YWHAQ: variants seen among roughly 807,000 people sequenced by gnomAD.
YWHAQ encodes the protein 14-3-3 protein theta.
A neutral mutation model predicts 28.3 loss-of-function variants in YWHAQ; 6 were observed. The ratio of observed to expected loss-of-function variants is 0.21; its 90% CI spans 0.12 to 0.42. YWHAQ has a LOEUF of 0.42. Among genes scored for constraint, YWHAQ ranks in the 10% least tolerant of loss-of-function variants. The pLI, the probability that YWHAQ is intolerant of heterozygous loss-of-function variation, is 1.00. For synonymous variants in YWHAQ, 143 were observed against 119.1 expected, an observed-to-expected ratio of 1.20 and a Z score of -1.31; for missense variants, 201 against 305.6, an observed-to-expected ratio of 0.66 and a Z score of 2.55.
intron 3 of YWHAQ, among the ~76,000 whole-genome samples, chr2:9,590,576 A>G (rs1445587267): frequency 6.6e-6 from 1 of 152,182 alleles, no homozygotes; most frequent in Non-Finnish European, 1.5e-5. Flanking sequence ...CACATACACT[A>G]AATTTAATGA....
At chr2:9,616,069 A>C (rs1048191738) in intron 2 of YWHAQ, among the ~76,000 whole-genome samples, 2 of 152,194 alleles carry the variant, frequency 1.3e-5, no homozygotes, top group African/African-American at 4.8e-5. Context: ...GGGAGAGGGA[A>C]TACATTACAG....
intron 2 of YWHAQ, among the ~76,000 whole-genome samples, chr2:9,629,177 C>G (rs926920910): frequency 6.6e-6 from 1 of 151,924 alleles, no homozygotes; most frequent in Non-Finnish European, 1.5e-5. Flanking sequence ...TGTGCACAAA[C>G]ACATCAAAAA....
intron 2 of YWHAQ, among the ~76,000 whole-genome samples, chr2:9,607,736 G>C (rs1332216457): frequency 7.8e-6 from 1 of 127,706 alleles, no homozygotes; most frequent in Non-Finnish European, 1.6e-5. Context: ...TTTTGAGACA[G>C]AGTCTCAGTC....
At chr2:9,599,071 T>C (rs1666635304) in intron 2 of YWHAQ, among the ~76,000 whole-genome samples, 1 of 152,176 alleles carries the variant, frequency 6.6e-6, no homozygotes, top group African/African-American at 2.4e-5. Context: ...TTATTGATGA[T>C]ATGGAGAAAA....
intron 2 of YWHAQ, among the ~76,000 whole-genome samples, chr2:9,596,455 G>A (rs1300066052): frequency 6.6e-6 from 1 of 152,166 alleles, no homozygotes; most frequent in Admixed American, 6.5e-5. Flanking sequence ...TGAAGAAAGA[G>A]TAGGTAACTG....
chr2:9,618,674 A>ATTT (rs34048944), intron 2 of YWHAQ, among the ~76,000 whole-genome samples: 49 of 134,596 alleles, frequency 3.6e-4, no homozygotes, highest in African/African-American at 1.2e-3. Flanking sequence ...CACTGTTTTG[A>ATTT]TTTTTTTTTT....
chr2:9,591,539 T>G (rs764670151), intron 2 of YWHAQ, 24 bp from the exon 3 acceptor site: 3 of 1,593,498 alleles, frequency 1.9e-6, no homozygotes, highest in South Asian at 2.2e-5. Context: ...GACAGAACAT[T>G]AGGCACTAAA....
Position 9,630,651 on chromosome 2 carries a change from T to G in YWHAQ, c.-82-117A>C. The G allele has an allele frequency of 2.2e-6, 1 of 460,602 alleles. No homozygotes were observed. Among genetic ancestry groups the G allele is most frequent in the Non-Finnish European group, 3.7e-6 (1 of 269,592 alleles). 28.5% of individuals were successfully genotyped at this position (460,602 alleles called of 1,614,324 possible). A position where few individuals can be genotyped will look rare whatever the true frequency, so the allele number is the denominator to read the frequency against. ...ACACGCGGCCGCTTGAATTTCCCTC[T>G]CCCCCGCCCCCTCCCCCGCTGGGCA... On this transcript the variant is annotated intron_variant, in intron 1 of 5. Transcript: ENST00000238081. The surrounding 1 kb of genome is among the most constrained non-coding windows in gnomAD (Gnocchi z 5.6).
In YWHAQ at chr2:9,630,993, G is replaced by C. The variant is rs539970885; in HGVS notation, c.-135C>G. 6.5e-6 allele frequency: 1 copy of C among 152,912 alleles called. No homozygotes were observed. Among genetic ancestry groups the C allele is most frequent in the South Asian group, 2.1e-4 (1 of 4,836 alleles). The allele number at this position is 152,912 out of a possible 1,614,324, so 9.5% of individuals were successfully genotyped here. On this transcript the variant is annotated 5_prime_UTR_variant, in exon 1 of 6. Coordinates refer to ENST00000238081, the MANE Select transcript of YWHAQ (RefSeq NM_006826.4). The surrounding 1 kb of genome is among the most constrained non-coding windows in gnomAD (Gnocchi z 5.6). Reference sequence around the variant, plus strand: ...GTCCCACCACTTTGATCTGCTTTTGGCTTTAGCTGAGGACCCTCCCGTGTC... The same window carrying C: ...GTCCCACCACTTTGATCTGCTTTTGCCTTTAGCTGAGGACCCTCCCGTGTC...
intron 2 of YWHAQ, among the ~76,000 whole-genome samples, chr2:9,610,119 A>C (rs915785228): frequency 6.6e-6 from 1 of 152,244 alleles, no homozygotes; most frequent in African/African-American, 2.4e-5. Context: ...AAAATCTGAC[A>C]ACTGAAGTAT....
chr2:9,588,507 A>G (rs1471585349), intron 3 of YWHAQ, among the ~76,000 whole-genome samples, 179 bp from the exon 4 acceptor site: 2 of 152,190 alleles, frequency 1.3e-5, no homozygotes, highest in African/African-American at 4.8e-5. Flanking sequence ...GCGGTGGCTC[A>G]CGCCTATAAT....
intron 2 of YWHAQ, among the ~76,000 whole-genome samples, chr2:9,605,841 C>T (rs1195977016): frequency 6.6e-6 from 1 of 151,952 alleles, no homozygotes; most frequent in Non-Finnish European, 1.5e-5. Flanking sequence ...CGATTACAGG[C>T]TTGAGCCACC....
chr2:9,623,208 T>C (rs957005413), intron 2 of YWHAQ, among the ~76,000 whole-genome samples: 10 of 152,216 alleles, frequency 6.6e-5, no homozygotes, highest in African/African-American at 2.4e-4. Context: ...GATAAGACGT[T>C]AAACCTTCTG....
chr2:9,619,601 A>C (rs1169893241), intron 2 of YWHAQ, among the ~76,000 whole-genome samples: 1 of 152,138 alleles, frequency 6.6e-6, no homozygotes, highest in Non-Finnish European at 1.5e-5. Flanking sequence ...AAAAATTAAA[A>C]ATATATTAAA....
chr2:9,595,394 G>A (rs956102475), intron 2 of YWHAQ, among the ~76,000 whole-genome samples: 5 of 152,090 alleles, frequency 3.3e-5, no homozygotes, highest in African/African-American at 1.2e-4. Flanking sequence ...ATAACTCCCT[G>A]AAAGTCTTTC....
At chr2:9,611,508 C>T (rs1229129250) in intron 2 of YWHAQ, among the ~76,000 whole-genome samples, 1 of 152,176 alleles carries the variant, frequency 6.6e-6, no homozygotes, top group Non-Finnish European at 1.5e-5. Flanking sequence ...AAGGCCACAC[C>T]ATGAATTGCA....
intron 2 of YWHAQ, among the ~76,000 whole-genome samples, chr2:9,609,745 T>C (rs963945869): frequency 6.6e-6 from 1 of 152,168 alleles, no homozygotes; most frequent in Admixed American, 6.5e-5. Flanking sequence ...ATCTTCAAAG[T>C]GCGGAGAAAA....
At position 9,588,290 on chromosome 2, in the gene YWHAQ, A is replaced by C. The variant is rs1266699218; in HGVS notation, c.457T>G (p.Phe153Val). Residue 153 changes from phenylalanine (F) to valine (V), a missense_variant, in exon 4 of 6, where the codon TTT becomes GTT. Physicochemically the swap from Phe to Val is conservative, Grantham distance 50. This residue lies in a region of YWHAQ where 162 missense variants were observed against 213.9 expected (regional missense o/e 0.76). Coordinates refer to ENST00000238081, the MANE Select transcript of YWHAQ (RefSeq NM_006826.4). ...DNSQGAYQEA[F>V]DISKKEMQPT... The stretch of plus-strand genomic sequence containing the variant: ...TGCATCTCTTTCTTGCTTATATCAA[A>C]TGCCTCTTGGTAAGCTCCTTGGGAA... 2 of 1,609,692 alleles carry C rather than the reference A, an allele frequency of 1.2e-6. No homozygotes were observed. Among genetic ancestry groups the C allele is most frequent in the Non-Finnish European group, 1.7e-6 (2 of 1,179,020 alleles).
chr2:9,629,035 T>C, intron 2 of YWHAQ: 1 of 126,662 alleles, frequency 7.9e-6, no homozygotes, highest in Non-Finnish European at 1.6e-5. Context: ...CCCACCATTC[T>C]GATGAGATGA....
Sources: allele counts gnomAD v4.1 joint callset (sites outside exome capture counted in the v4.1 genomes callset), GRCh38; gene constraint gnomAD v4.1.1; regional missense constraint gnomAD v4.1.1; non-coding constraint Gnocchi (gnomAD v3.1); transcripts MANE v1.5; gene names NCBI Gene and HGNC (gene_info 2026-07-23, HGNC 2026-07-21).